The following RBM47 variants were observed in gnomAD, a reference collection of about 807,000 sequenced individuals.
The protein encoded by RBM47 is RNA binding motif protein 47, also known as RNA-binding protein 47.
Under a neutral mutation model 47.1 loss-of-function variants are expected in RBM47, and 21 were observed. The observed-to-expected ratio is 0.45, with a 90% CI of 0.32 to 0.64. The LOEUF is 0.64. RBM47 is among the 30% of genes least tolerant of loss of function. The pLI is 0.05. For missense variants in RBM47, 708 were observed against 870.9 expected (o/e 0.81, Z 2.35); for synonymous variants, 375 against 361.7 (o/e 1.04, Z -0.42).
intron 2 of RBM47, among the ~76,000 whole-genome samples, chr4:40,513,227 C>G (rs1349041991): frequency 2.0e-5 from 3 of 152,136 alleles, no homozygotes; most frequent in Non-Finnish European, 4.4e-5. Context: ...AAGAAAAAAC[C>G]CTTGGCTTCT....
At position 40,575,552 on chromosome 4, in the gene RBM47, C is replaced by CAA. The variant is rs33963787; in HGVS notation, c.-239-31048_-239-31047dup. 1.7e-3 allele frequency among the ~76,000 whole-genome samples: 169 copies of CAA among 98,342 alleles called. 2 individuals carry two copies. The highest frequency in any genetic ancestry group is 5.4e-3 in the Middle Eastern group (1 of 184). The allele number at this position is 98,342 out of a possible 152,430, so 64.5% of individuals were successfully genotyped here. A position where few individuals can be genotyped will look rare whatever the true frequency, so the allele number is the denominator to read the frequency against. Reference sequence around the variant, plus strand: ...GGGCAACAAGAGCGAAACTCCATCTCAAAAAAAAAAAAAAAACTACCAAGG... The same window carrying CAA: ...GGGCAACAAGAGCGAAACTCCATCTCAAAAAAAAAAAAAAAAAACTACCAAGG... On this transcript the variant is annotated intron_variant, in intron 1 of 6. Transcript: ENST00000295971.
chr4:40,462,716 C>G (rs985525737), intron 3 of RBM47, among the ~76,000 whole-genome samples: 1 of 150,788 alleles, frequency 6.6e-6, no homozygotes, highest in East Asian at 2.0e-4. Context: ...CTGCTTGATA[C>G]AGGCTTTCAC....
intron 1 of RBM47, among the ~76,000 whole-genome samples, chr4:40,617,795 C>T (rs1736887558): frequency 1.3e-5 from 2 of 150,140 alleles, no homozygotes; most frequent in South Asian, 4.2e-4. Flanking sequence ...AATGTTTGCC[C>T]CCAACCCCCT....
intron 1 of RBM47, among the ~76,000 whole-genome samples, chr4:40,613,283 A>C (rs554618086): frequency 6.6e-6 from 1 of 152,316 alleles, no homozygotes; most frequent in African/African-American, 2.4e-5. Context: ...GTCTGAAAAG[A>C]TTCTACTAAC....
chr4:40,552,204 C>T (rs1383660659), intron 1 of RBM47, among the ~76,000 whole-genome samples: 1 of 151,842 alleles, frequency 6.6e-6, no homozygotes, highest in Non-Finnish European at 1.5e-5. Context: ...GGAGACCACC[C>T]TGGCTAACAT....
chr4:40,556,147 C>T (rs1319126193), intron 1 of RBM47, among the ~76,000 whole-genome samples: 9 of 151,438 alleles, frequency 5.9e-5, no homozygotes, highest in African/African-American at 1.5e-4. Context: ...GCAGTTCTCA[C>T]GCCTCAGCCT....
intron 2 of RBM47, among the ~76,000 whole-genome samples, chr4:40,509,807 C>T (rs969997414): frequency 1.3e-5 from 2 of 151,674 alleles, no homozygotes; most frequent in Non-Finnish European, 2.9e-5. Flanking sequence ...GGTGTGAGCC[C>T]GGGAGGCGGA....
intron 2 of RBM47, among the ~76,000 whole-genome samples, chr4:40,530,233 G>C (rs1727259656): frequency 1.3e-5 from 2 of 151,814 alleles, no homozygotes; most frequent in Admixed American, 1.3e-4. Context: ...ACCATGCCTG[G>C]ACGATCATGA....
chr4:40,484,553 T>G (rs903702118), intron 2 of RBM47, among the ~76,000 whole-genome samples: 9 of 152,204 alleles, frequency 5.9e-5, no homozygotes, highest in Non-Finnish European at 1.2e-4. Context: ...GAAGGGAATT[T>G]GAGGTGATCC....
intron 1 of RBM47, among the ~76,000 whole-genome samples, chr4:40,597,259 CA>C (rs1437496872): frequency 6.9e-4 from 94 of 135,682 alleles, no homozygotes; most frequent in Middle Eastern, 4.1e-3. Flanking sequence ...GATTCCATCT[CA>C]AAAAAAAAAA....
At chr4:40,587,922 C>T (rs993972343) in intron 1 of RBM47, among the ~76,000 whole-genome samples, 3 of 152,198 alleles carry the variant, frequency 2.0e-5, no homozygotes, top group African/African-American at 7.2e-5. Flanking sequence ...ACTAAGCCAG[C>T]CCTGAAATGG....
chr4:40,621,970 G>GA (rs1165016593), intron 1 of RBM47, among the ~76,000 whole-genome samples: 1 of 152,224 alleles, frequency 6.6e-6, no homozygotes, highest in Non-Finnish European at 1.5e-5. Context: ...AGGTCTGGGA[G>GA]AAAACCCATG....
intron 1 of RBM47, among the ~76,000 whole-genome samples, chr4:40,567,382 A>G (rs766213161): frequency 2.0e-5 from 3 of 152,070 alleles, no homozygotes; most frequent in Admixed American, 6.6e-5. Flanking sequence ...CTCTCATTTA[A>G]TGTTCACAAT....
chr4:40,489,747 G>A (rs1039205418), intron 2 of RBM47, among the ~76,000 whole-genome samples: 3 of 152,154 alleles, frequency 2.0e-5, no homozygotes, highest in South Asian at 2.1e-4. Flanking sequence ...ATGTTTTAAA[G>A]TCTAATTACC....
chr4:40,579,988 G>A (rs1456232459), intron 1 of RBM47, among the ~76,000 whole-genome samples: 1 of 151,954 alleles, frequency 6.6e-6, no homozygotes, highest in African/African-American at 2.4e-5. Context: ...GAACTCCTGG[G>A]CTCAAGGGAT....
intron 1 of RBM47, among the ~76,000 whole-genome samples, chr4:40,620,740 C>A (rs1350655570): frequency 6.6e-6 from 1 of 152,020 alleles, no homozygotes; most frequent in Non-Finnish European, 1.5e-5. Context: ...CGCCATGTTG[C>A]CCAGGCTGCT....
intron 1 of RBM47, among the ~76,000 whole-genome samples, chr4:40,572,516 C>T (rs937856074): frequency 6.6e-6 from 1 of 151,932 alleles, no homozygotes; most frequent in Non-Finnish European, 1.5e-5. Flanking sequence ...TATTTACTTG[C>T]ATAGCATTAA....
intron 1 of RBM47, among the ~76,000 whole-genome samples, chr4:40,603,421 T>C (rs940391894): frequency 6.6e-6 from 1 of 152,184 alleles, no homozygotes; most frequent in Non-Finnish European, 1.5e-5. Context: ...TTGTTAAACT[T>C]TTCCTTTGGT....
intron 2 of RBM47, among the ~76,000 whole-genome samples, chr4:40,479,256 T>C (rs1720055547): frequency 6.6e-6 from 1 of 152,194 alleles, no homozygotes; most frequent in Admixed American, 6.5e-5. Flanking sequence ...ATATCTGAAA[T>C]GAGTGTTCCT....
Sources: gnomAD v4.1 joint callset for allele counts (sites outside exome capture counted in the v4.1 genomes callset) on GRCh38, gnomAD v4.1.1 for gene constraint, MANE v1.5 for transcripts, NCBI Gene and HGNC (gene_info 2026-07-23, HGNC 2026-07-21) for gene names.